The following COL5A1 variants were observed in gnomAD, a reference collection of about 807,000 sequenced individuals.
The protein encoded by COL5A1 is collagen alpha-1(V) chain.
Under a neutral mutation model 263.7 loss-of-function variants are expected in COL5A1, and 16 were observed. That is an observed-to-expected ratio of 0.06 (90% CI 0.04 to 0.09). The LOEUF is 0.09. COL5A1 is among the 10% of genes least tolerant of loss of function. The probability of loss-of-function intolerance (pLI) is 1.00; values close to 1 mark genes in which losing one functional copy is unlikely to be tolerated. For synonymous variants in COL5A1, 1,012 were observed against 1,004.5 expected (o/e 1.01, Z -0.14); for missense variants, 2,036 against 2,540.5 (o/e 0.80, Z 4.27).
At chr9:134,694,517 G>T (rs4598329) in intron 2 of COL5A1, among the ~76,000 whole-genome samples, 126,805 of 152,260 alleles carry the variant, frequency 0.83, 53,352 homozygotes, top group South Asian at 0.88. Context: ...TCTGTACAGG[G>T]GAAGAATCCT....
intron 5 of COL5A1, 69 bp from the exon 6 acceptor site, chr9:134,728,597 CGGAA>C (rs1353818302): frequency 6.2e-7 from 1 of 1,604,992 alleles, no homozygotes; most frequent in African/African-American, 1.3e-5. Context: ...CTGGAGGTTG[CGGAA>C]GGAAGGACAG....
At chr9:134,801,857 A>C (rs1838127015) in intron 37 of COL5A1, 97 bp from the exon 38 acceptor site, 1 of 961,808 alleles carries the variant, frequency 1.0e-6, no homozygotes, top group Non-Finnish European at 1.6e-6. Flanking sequence ...CTCTGGGGGG[A>C]AGGGAGGTGG....
intron 21 of COL5A1, among the ~76,000 whole-genome samples, chr9:134,766,020 T>C (rs1323487768): frequency 1.3e-5 from 2 of 152,224 alleles, no homozygotes; most frequent in Non-Finnish European, 2.9e-5. Flanking sequence ...ATTTCAGTTA[T>C]AAGCAGAAAC....
At chr9:134,724,266 A>T (rs1301269199) in intron 4 of COL5A1, among the ~76,000 whole-genome samples, 1 of 152,162 alleles carries the variant, frequency 6.6e-6, no homozygotes, top group East Asian at 1.9e-4. Flanking sequence ...GCATACAAGG[A>T]GTTTTGCCTG....
intron 9 of COL5A1, among the ~76,000 whole-genome samples, chr9:134,737,066 CAG>C (rs1835126831): frequency 6.6e-6 from 1 of 152,236 alleles, no homozygotes; most frequent in Non-Finnish European, 1.5e-5. Flanking sequence ...GGTGACGCTA[CAG>C]TCCTGGGGTC....
At chr9:134,712,242 CTT>C (rs1302186528) in intron 4 of COL5A1, among the ~76,000 whole-genome samples, 100 of 33,320 alleles carry the variant, frequency 3.0e-3, no homozygotes, top group Admixed American at 0.01. Context: ...TCTTATCCCC[CTT>C]CTTCCTTCCT....
intron 51 of COL5A1, 110 bp downstream of exon 51, chr9:134,815,739 G>C: frequency 7.4e-7 from 1 of 1,344,078 alleles, no homozygotes; most frequent in Non-Finnish European, 1.0e-6. Flanking sequence ...TCCCACTGGG[G>C]CAGGCAATGT....
chr9:134,796,499 C>T, intron 35 of COL5A1, 81 bp downstream of exon 35: 1 of 1,458,698 alleles, frequency 6.9e-7, no homozygotes, highest in South Asian at 1.1e-5. Context: ...CTGGGGTGGG[C>T]TGGGGCCAGG....
At chr9:134,648,036 A>G (rs1412334037) in intron 1 of COL5A1, among the ~76,000 whole-genome samples, 1 of 152,110 alleles carries the variant, frequency 6.6e-6, no homozygotes, top group Admixed American at 6.6e-5. Context: ...AGGCAGACCC[A>G]CCGTTAATCG....
chr9:134,689,304 T>A (rs922236045), intron 1 of COL5A1, among the ~76,000 whole-genome samples: 3 of 152,116 alleles, frequency 2.0e-5, no homozygotes, highest in African/African-American at 7.2e-5. Context: ...GGGACTTTCC[T>A]CTTGAGCCCG....
rs1009441145 is a variant in COL5A1 at position 134,708,424 on chromosome 9, T to TG, written c.654+7096dup. ...TTGCGGCTCAGAGCAACTCCCGGGGTGGGGGCTCTGGTGCACCTGCACTGA... is the reference window on the plus strand; with the variant it reads ...TTGCGGCTCAGAGCAACTCCCGGGGTGGGGGGCTCTGGTGCACCTGCACTGA... On this transcript the variant is annotated intron_variant, in intron 4 of 65. Transcript: ENST00000371817. The TG allele has an allele frequency of 9.5e-5, 37 of 390,658 alleles. 1 individual carries two copies. Among genetic ancestry groups the TG allele is most frequent in the African/African-American group, 5.9e-4 (28 of 47,070 alleles). 24.2% of individuals were successfully genotyped at this position (390,658 alleles called of 1,614,324 possible).
chr9:134,648,334 A>C (rs1349947042), intron 1 of COL5A1, among the ~76,000 whole-genome samples: 2 of 149,888 alleles, frequency 1.3e-5, no homozygotes, highest in Admixed American at 6.7e-5. Flanking sequence ...TATTATTTCT[A>C]TTCCTATTAG....
In COL5A1 at chr9:134,819,707, A is replaced by G. The variant is rs569872273; in HGVS notation, c.4447-409A>G. 1.5e-3 allele frequency among the ~76,000 whole-genome samples: 232 copies of G among 152,328 alleles called. 1 individual carries two copies. The highest frequency in any genetic ancestry group is 5.4e-3 in the African/African-American group (224 of 41,568). On this transcript the variant is annotated intron_variant, in intron 57 of 65. Transcript: ENST00000371817. ...TTTAGAAAAACAACCCATGATTGTA[A>G]TATCTATAATACTCTGCATCTTTCT...
intron 9 of COL5A1, among the ~76,000 whole-genome samples, chr9:134,734,639 C>T (rs1006094752): frequency 1.3e-5 from 2 of 152,236 alleles, no homozygotes; most frequent in Non-Finnish European, 2.9e-5. Context: ...CGCTCCCTCT[C>T]ATTGTCAGCC....
rs1171058443 is a variant in COL5A1 at position 134,842,165 on chromosome 9, A to G, written c.5379A>G (p.Lys1793=). 1 of 1,613,810 alleles carries G rather than the reference A, an allele frequency of 6.2e-7. No individual in the cohort carries two copies. Among genetic ancestry groups the G allele is most frequent in the East Asian group, 2.2e-5 (1 of 44,844 alleles). Reference sequence around the variant, plus strand: ...GTCTCCCTCTTCCCCAGACCAAGAAAGGCTACCAGAAGACGGTTCTGGAGA... The same window carrying G: ...GTCTCCCTCTTCCCCAGACCAAGAAGGGCTACCAGAAGACGGTTCTGGAGA... The part of the protein sequence containing the change: ...RALVDGCATK[K]GYQKTVLEID... The change falls in exon 66 of 66, where the codon AAA becomes AAG. Residue 1793 remains lysine (K), a synonymous_variant. Transcript: ENST00000371817. This position sits in a 1 kb window ranked among gnomAD's most constrained non-coding sequence, Gnocchi z 5.8.
At chr9:134,803,029 C>T (rs373642043) in intron 39 of COL5A1, 34 bp downstream of exon 39, 227 of 1,511,634 alleles carry the variant, frequency 1.5e-4, no homozygotes, top group South Asian at 6.5e-4. Context: ...TCAGCTCAGG[C>T]GTTTCCTCAG....
At chr9:134,751,012 T>A in intron 13 of COL5A1, 130 bp downstream of exon 13, 1 of 825,822 alleles carries the variant, frequency 1.2e-6, no homozygotes, top group Non-Finnish European at 2.0e-6. Context: ...GAATGCCTGC[T>A]TGCTGGGGTC....
rs139440940 is a variant in COL5A1 at position 134,691,526 on chromosome 9, G to A, written c.277+447G>A. ...GATGAATCAAACGTCGTGACTCCTA[G>A]CAAGAGCATGGGAGGCTTTTAATGA... On this transcript the variant is annotated intron_variant, in intron 2 of 65. Coordinates refer to ENST00000371817, the MANE Select transcript of COL5A1 (RefSeq NM_000093.5). 2.1e-5 allele frequency: 4 copies of A among 190,798 alleles called. No homozygotes were observed. The East Asian group carries it at 3.9e-4, about 18-fold the overall frequency. The allele number at this position is 190,798 out of a possible 1,614,324, so 11.8% of individuals were successfully genotyped here.
rs751472921 is a variant in COL5A1 at position 134,728,661 on chromosome 9, C to G, written c.787-9C>G. ...GCTGCTTCCTCACGGGGCCGCAATT[C>G]GCTTTCAGTACACGGAAGGAGACGG... is the stretch of plus-strand genomic sequence containing the variant. On this transcript the variant is annotated splice_polypyrimidine_tract_variant and intron_variant, in intron 5 of 65. Transcript: ENST00000371817. The G allele has an allele frequency of 7.4e-6, 12 of 1,613,804 alleles. No individual in the cohort carries two copies. The highest frequency in any genetic ancestry group is 5.3e-5 in the African/African-American group (4 of 74,914).
Sources: allele counts gnomAD v4.1 joint callset (sites outside exome capture counted in the v4.1 genomes callset), GRCh38; gene constraint gnomAD v4.1.1; non-coding constraint Gnocchi (gnomAD v3.1); transcripts MANE v1.5; gene names NCBI Gene and HGNC (gene_info 2026-07-23, HGNC 2026-07-21).